Variants in NCAM1 observed in about 807,000 individuals in gnomAD.
NCAM1 encodes antigen recognized by monoclonal antibody 5.1H11.
A neutral mutation model predicts 109.8 loss-of-function variants in NCAM1; 14 were observed. The ratio of observed to expected loss-of-function variants is 0.13; its 90% confidence interval spans 0.08 to 0.20. The LOEUF (loss-of-function observed/expected upper bound fraction) is 0.20. Ranked by LOEUF, NCAM1 falls within the 10% of genes least tolerant of loss-of-function variation. NCAM1 has a pLI of 1.00. For missense variants in NCAM1, 774 were observed against 1,109.9 expected, an observed-to-expected ratio of 0.70 and a Z score of 4.30; for synonymous variants, 418 against 442.9, an observed-to-expected ratio of 0.94 and a Z score of 0.70.
chr11:113,168,792 C>T (rs1591382701), intron 1 of NCAM1, among the ~76,000 whole-genome samples: 1 of 152,260 alleles, frequency 6.6e-6, no homozygotes, highest in South Asian at 2.1e-4. Context: ...GTTGCACTAA[C>T]AGCATTTTTT....
intron 1 of NCAM1, among the ~76,000 whole-genome samples, chr11:113,111,404 A>AG (rs1565442818): frequency 6.6e-6 from 1 of 152,202 alleles, no homozygotes; most frequent in Non-Finnish European, 1.5e-5. Flanking sequence ...GGAAAAAAAA[A>AG]GTGCTAATCA....
At chr11:113,165,165 T>C (rs1343325827) in intron 1 of NCAM1, among the ~76,000 whole-genome samples, 1 of 152,204 alleles carries the variant, frequency 6.6e-6, no homozygotes, top group Non-Finnish European at 1.5e-5. Flanking sequence ...AAGTAGCCTG[T>C]GGCATTGTGG....
intron 1 of NCAM1, among the ~76,000 whole-genome samples, chr11:113,130,231 G>A (rs574710819): frequency 6.6e-6 from 1 of 152,294 alleles, no homozygotes; most frequent in East Asian, 1.9e-4. Context: ...ATATTTTTAG[G>A]AGCATTGGAA....
At chr11:113,216,770 A>G (rs1372972580) in intron 8 of NCAM1, among the ~76,000 whole-genome samples, 4 of 152,332 alleles carry the variant, frequency 2.6e-5, no homozygotes, top group Admixed American at 1.3e-4. Context: ...GTGAAACCCT[A>G]TATAAGAAAA....
chr11:113,017,984 A>C (rs1293315156), intron 1 of NCAM1, among the ~76,000 whole-genome samples: 1 of 152,180 alleles, frequency 6.6e-6, no homozygotes, highest in East Asian at 1.9e-4. Context: ...CAAACCAAAA[A>C]TTCTATTGAC....
intron 1 of NCAM1, among the ~76,000 whole-genome samples, chr11:113,124,254 G>C (rs966304295): frequency 6.6e-6 from 1 of 152,154 alleles, no homozygotes; most frequent in Non-Finnish European, 1.5e-5. Flanking sequence ...GTGTGGTGTC[G>C]CAGGACTATT....
At chr11:113,151,155 T>C (rs1204705832) in intron 1 of NCAM1, among the ~76,000 whole-genome samples, 1 of 152,152 alleles carries the variant, frequency 6.6e-6, no homozygotes, top group East Asian at 1.9e-4. Context: ...GAATAATGAA[T>C]CTGTCAGTCC....
At chr11:113,095,589 G>T (rs1166146811) in intron 1 of NCAM1, among the ~76,000 whole-genome samples, 1 of 152,212 alleles carries the variant, frequency 6.6e-6, no homozygotes, top group Non-Finnish European at 1.5e-5. Context: ...GCTAAGACTC[G>T]CCAAATCCCT....
At chr11:113,178,033 A>G (rs550557903) in intron 1 of NCAM1, among the ~76,000 whole-genome samples, 1 of 152,206 alleles carries the variant, frequency 6.6e-6, no homozygotes, top group Non-Finnish European at 1.5e-5. Context: ...TCTAAAAAAA[A>G]CTTCCTTAAA....
chr11:113,072,799 T>G (rs2135579797), intron 1 of NCAM1, among the ~76,000 whole-genome samples: 1 of 147,190 alleles, frequency 6.8e-6, no homozygotes, highest in East Asian at 2.0e-4. Context: ...AATCATGATT[T>G]CTAAGTATTT....
chr11:113,261,844 G>A (rs1325596390), intron 17 of NCAM1, among the ~76,000 whole-genome samples: 1 of 152,162 alleles, frequency 6.6e-6, no homozygotes, highest in African/African-American at 2.4e-5. Flanking sequence ...GACCTGCTGT[G>A]TTCACATGCT....
At chr11:113,138,917 C>T (rs1555099931) in intron 1 of NCAM1, among the ~76,000 whole-genome samples, 1 of 152,170 alleles carries the variant, frequency 6.6e-6, no homozygotes, top group Non-Finnish European at 1.5e-5. Flanking sequence ...TCCTTCTGCC[C>T]GACTCATCAC....
chr11:113,263,443 C>T, intron 17 of NCAM1: 1 of 986,354 alleles, frequency 1.0e-6, no homozygotes, highest in Non-Finnish European at 1.2e-6. Context: ...CCAGACCGCA[C>T]TGATTCACAT....
chr11:112,985,269 C>T (rs1467124412), intron 1 of NCAM1, among the ~76,000 whole-genome samples: 1 of 145,396 alleles, frequency 6.9e-6, no homozygotes, highest in African/African-American at 2.5e-5. Flanking sequence ...TTTTTTTTGC[C>T]AGTACCATAC....
chr11:113,035,922 C>G (rs1378788417), intron 1 of NCAM1, among the ~76,000 whole-genome samples: 5 of 152,074 alleles, frequency 3.3e-5, no homozygotes, highest in African/African-American at 1.2e-4. Flanking sequence ...TAGCACTTAC[C>G]AGCCAGTTTA....
intron 1 of NCAM1, among the ~76,000 whole-genome samples, chr11:113,020,359 T>C (rs547035889): frequency 1.1e-4 from 17 of 152,184 alleles, no homozygotes; most frequent in Admixed American, 7.2e-4. Flanking sequence ...GCTGTTTCAG[T>C]TGGAAGTCAT....
chr11:113,269,791 C>T (rs782239546), intron 17 of NCAM1: 24 of 245,900 alleles, frequency 9.8e-5, no homozygotes, highest in Non-Finnish European at 1.7e-4. Context: ...GCCACAGCCC[C>T]GCCTGAAATC....
chr11:113,204,564 G>A, intron 3 of NCAM1, 60 bp downstream of exon 3: 1 of 1,513,532 alleles, frequency 6.6e-7, no homozygotes, highest in Non-Finnish European at 9.1e-7. Flanking sequence ...AGACATGTGG[G>A]TAGTGGAAAG....
rs56881033 is a variant in NCAM1, at chr11:113,164,600, C to G, written c.53-37779C>G. On this transcript the variant is annotated intron_variant, in intron 1 of 19. Transcript: ENST00000316851. Reference sequence around the variant, plus strand: ...AAACACATATTTACATTTACTGATTCATGATAAAGGATAAGGATATTACAG... The same window carrying G: ...AAACACATATTTACATTTACTGATTGATGATAAAGGATAAGGATATTACAG... 4.6e-5 allele frequency among the ~76,000 whole-genome samples: 7 copies of G among 152,246 alleles called. No individual in the cohort carries two copies. The East Asian group carries it at 1.4e-3, about 29-fold the overall frequency.
Sources: allele counts gnomAD v4.1 joint callset (sites outside exome capture counted in the v4.1 genomes callset), GRCh38; gene constraint gnomAD v4.1.1; transcripts MANE v1.5; gene names NCBI Gene and HGNC (gene_info 2026-07-23, HGNC 2026-07-21).